The following OSBPL10 variants were observed in gnomAD, a reference collection of about 807,000 sequenced individuals.
OSBPL10 encodes oxysterol binding protein like 10.
In OSBPL10, 49 loss-of-function variants were observed where a neutral mutation model predicts 81.7. The ratio of observed to expected loss-of-function variants is 0.60; its 90% CI spans 0.48 to 0.76. The LOEUF (loss-of-function observed/expected upper bound fraction) is 0.76, where lower values mean the gene tolerates loss of function less well. Among genes scored for constraint, OSBPL10 ranks in the 30% least tolerant of loss-of-function variants. The pLI, the probability that OSBPL10 is intolerant of heterozygous loss-of-function variation, is 0.00. For missense variants in OSBPL10, 923 were observed against 987.8 expected (o/e 0.93, Z 0.88); for synonymous variants, 419 against 383.6 (o/e 1.09, Z -1.08).
intron 3 of OSBPL10, among the ~76,000 whole-genome samples, chr3:31,855,262 T>G (rs535863861): frequency 1.3e-5 from 2 of 152,262 alleles, no homozygotes; most frequent in South Asian, 4.2e-4. Flanking sequence ...GCTAAAGCAA[T>G]TCATACACCA....
chr3:31,987,088 ATGTATGTCCATATATATGTATG>A (rs1426521230), intron 2 of OSBPL10, among the ~76,000 whole-genome samples: 4 of 149,914 alleles, frequency 2.7e-5, no homozygotes, highest in African/African-American at 2.5e-5. Context: ...ACTTTTATAT[ATGTATGTCCATATATATGTATG>A]TGTATACACA....
chr3:31,743,059 T>TTTTTG (rs1697404581), intron 5 of OSBPL10, among the ~76,000 whole-genome samples: 2 of 83,188 alleles, frequency 2.4e-5, no homozygotes, highest in African/African-American at 4.3e-5. Context: ...TTTTTTTTTT[T>TTTTTG]AGAGAGAGTC....
chr3:31,876,050 G>A (rs910704320), intron 3 of OSBPL10, among the ~76,000 whole-genome samples: 2 of 151,992 alleles, frequency 1.3e-5, no homozygotes, highest in African/African-American at 4.8e-5. Context: ...AAGCAATTCA[G>A]GGTCTAGGTT....
chr3:31,826,476 C>T, intron 4 of OSBPL10, among the ~76,000 whole-genome samples: 1 of 152,208 alleles, frequency 6.6e-6, no homozygotes, highest in Non-Finnish European at 1.5e-5. Flanking sequence ...ATCTTTCAAA[C>T]TGTCCCATTA....
intron 3 of OSBPL10, among the ~76,000 whole-genome samples, chr3:31,852,563 G>A (rs1473814089): frequency 3.7e-5 from 5 of 136,376 alleles, no homozygotes; most frequent in Admixed American, 3.6e-4. Flanking sequence ...TGGCACGGAA[G>A]TTTTTTCCTT....
chr3:31,796,504 G>C (rs1215551899), intron 4 of OSBPL10, among the ~76,000 whole-genome samples: 2 of 152,102 alleles, frequency 1.3e-5, no homozygotes, highest in African/African-American at 4.8e-5. Context: ...GTGGGTCCTA[G>C]AACCAATCCC....
At chr3:31,819,410 A>G (rs1181743983) in intron 4 of OSBPL10, among the ~76,000 whole-genome samples, 1 of 152,182 alleles carries the variant, frequency 6.6e-6, no homozygotes, top group African/African-American at 2.4e-5. Context: ...TTTACATACG[A>G]GAGATGTAAT....
intron 8 of OSBPL10, among the ~76,000 whole-genome samples, chr3:31,673,705 G>C (rs571293145): frequency 6.6e-6 from 1 of 152,314 alleles, no homozygotes; most frequent in African/African-American, 2.4e-5. Flanking sequence ...AAAGCAGTAA[G>C]TGTTCAATAG....
At chr3:32,025,004 T>G (rs1559551268) in intron 2 of OSBPL10, among the ~76,000 whole-genome samples, 1 of 152,210 alleles carries the variant, frequency 6.6e-6, no homozygotes, top group Non-Finnish European at 1.5e-5. Flanking sequence ...TTGGCCTCAT[T>G]ATACTGGCTA....
rs1475989205 is a variant in OSBPL10, at chr3:32,066,136, AAAGGGAAG to A, written n.185+11252_185+11259del. On this transcript the variant is annotated intron_variant and non_coding_transcript_variant, in intron 1 of 3. Transcript: ENST00000479173. ...CAAGACCCTGAAGAAAGAGAGAGAG[AAAGGGAAG>A]AAAGGAAGAAAGGAAGAAAGGAAGG... Among the ~76,000 whole-genome samples the A allele has an allele frequency of 2.0e-4, 15 of 76,770 alleles. 3 individuals are homozygous for A. Among genetic ancestry groups the A allele is most frequent in the African/African-American group, 5.1e-4 (15 of 29,242 alleles). The allele number at this position is 76,770 out of a possible 152,430, so 50.4% of individuals were successfully genotyped here. A position where few individuals can be genotyped will look rare whatever the true frequency, so the allele number is the denominator to read the frequency against.
intron 1 of OSBPL10, among the ~76,000 whole-genome samples, chr3:31,905,095 G>A (rs777531134): frequency 3.9e-5 from 6 of 152,130 alleles, no homozygotes; most frequent in Non-Finnish European, 5.9e-5. Flanking sequence ...CTGGCACACA[G>A]GAAGTATAAT....
chr3:31,942,720 G>C (rs1697574880), intron 1 of OSBPL10, among the ~76,000 whole-genome samples: 1 of 151,944 alleles, frequency 6.6e-6, no homozygotes, highest in Non-Finnish European at 1.5e-5. Flanking sequence ...AGCAAAAATT[G>C]AGATAAATGA....
At chr3:31,729,455 T>C (rs1696898603) in intron 6 of OSBPL10, among the ~76,000 whole-genome samples, 1 of 152,182 alleles carries the variant, frequency 6.6e-6, no homozygotes, top group South Asian at 2.1e-4. Context: ...AGAGTCTTAC[T>C]CTGTCGCCCA....
Position 31,730,645 on chromosome 3 carries a change from G to A in OSBPL10, c.1095+2612C>T, listed in dbSNP as rs141702019. Among the ~76,000 whole-genome samples, 747 of 152,252 alleles carry A rather than the reference G, an allele frequency of 4.9e-3. 4 individuals carry two copies. Among genetic ancestry groups the A allele is most frequent in the Non-Finnish European group, 8.8e-3 (597 of 68,022 alleles). ...GATCACTACATTTTATAACAGAGCC[G>A]ACCACAGCTCTCTTCTAACTCACGT... On this transcript the variant is annotated intron_variant, in intron 6 of 11. Coordinates refer to ENST00000396556, the MANE Select transcript of OSBPL10 (RefSeq NM_017784.5).
chr3:31,966,016 C>A, intron 1 of OSBPL10, among the ~76,000 whole-genome samples: 2 of 127,434 alleles, frequency 1.6e-5, no homozygotes, highest in African/African-American at 3.0e-5. Flanking sequence ...ATATATAGGC[C>A]AGGCTCAGTC....
At chr3:31,783,111 T>TTTTATATATATATATATATA (rs1048319563) in intron 4 of OSBPL10, among the ~76,000 whole-genome samples, 7 of 121,636 alleles carry the variant, frequency 5.8e-5, no homozygotes, top group African/African-American at 1.8e-4. Flanking sequence ...AATATATCTA[T>TTTTATATATATATATATATA]TATATATATA....
intron 4 of OSBPL10, among the ~76,000 whole-genome samples, chr3:31,829,315 G>A (rs1461784167): frequency 1.3e-5 from 2 of 152,186 alleles, no homozygotes; most frequent in East Asian, 3.8e-4. Flanking sequence ...CAGCTGCAGA[G>A]GATGACAGGG....
intron 6 of OSBPL10, among the ~76,000 whole-genome samples, chr3:31,730,102 G>A (rs950612178): frequency 1.3e-5 from 2 of 152,176 alleles, no homozygotes; most frequent in Non-Finnish European, 2.9e-5. Context: ...CAACACTTTG[G>A]GAGGTCAAGG....
intron 1 of OSBPL10, among the ~76,000 whole-genome samples, chr3:31,913,875 C>G (rs1252103481): frequency 1.3e-5 from 2 of 152,150 alleles, no homozygotes; most frequent in African/African-American, 4.8e-5. Context: ...CAAGAACTAA[C>G]CAGAGGCTAT....
Sources: allele counts gnomAD v4.1 joint callset (sites outside exome capture counted in the v4.1 genomes callset), GRCh38; gene constraint gnomAD v4.1.1; transcripts MANE v1.5; gene names NCBI Gene and HGNC (gene_info 2026-07-23, HGNC 2026-07-21).